Variants in PRMT8 observed in about 807,000 individuals in gnomAD.
PRMT8 encodes the protein protein arginine N-methyltransferase 8.
PRMT8 carries 7 observed loss-of-function variants against 47.1 expected under a neutral mutation model. The ratio of observed to expected loss-of-function variants is 0.15; its 90% CI spans 0.08 to 0.28. PRMT8 has a LOEUF of 0.28. Among genes scored for constraint, PRMT8 ranks in the 10% least tolerant of loss-of-function variants. The pLI is 1.00. For synonymous variants in PRMT8, 188 were observed against 186.5 expected (o/e 1.01, Z -0.07); for missense variants, 237 against 505.4 (o/e 0.47, Z 5.09).
intron 1 of PRMT8, among the ~76,000 whole-genome samples, 192 bp downstream of exon 1, chr12:3,491,892 GT>G (rs1865415666): frequency 7.3e-6 from 1 of 137,678 alleles, no homozygotes; most frequent in South Asian, 2.5e-4. Context: ...GTGTGTGTTG[GT>G]GGGGGGTGGG....
chr12:3,389,274 G>T (rs1864169793), intron 1 of PRMT8, among the ~76,000 whole-genome samples: 1 of 152,120 alleles, frequency 6.6e-6, no homozygotes, highest in Admixed American at 6.5e-5. Context: ...ACTGGTAAGT[G>T]GACTGTCCAG....
intron 2 of PRMT8, among the ~76,000 whole-genome samples, chr12:3,546,144 C>G (rs1866324744): frequency 6.6e-6 from 1 of 152,156 alleles, no homozygotes; most frequent in African/African-American, 2.4e-5. Context: ...CTATCCCAAA[C>G]TAAATGATAG....
chr12:3,443,994 G>A (rs940157518), intron 1 of PRMT8, among the ~76,000 whole-genome samples: 1 of 152,170 alleles, frequency 6.6e-6, no homozygotes, highest in Admixed American at 6.5e-5. Context: ...CTCGATGTAA[G>A]GCTCTCCCTG....
intron 1 of PRMT8, among the ~76,000 whole-genome samples, chr12:3,455,514 C>A (rs1864964906): frequency 6.6e-6 from 1 of 152,116 alleles, no homozygotes; most frequent in African/African-American, 2.4e-5. Flanking sequence ...CCCTTGCCAC[C>A]CTGAACAAAG....
chr12:3,429,914 C>G (rs927270312), intron 1 of PRMT8, among the ~76,000 whole-genome samples: 2 of 152,230 alleles, frequency 1.3e-5, no homozygotes, highest in Non-Finnish European at 2.9e-5. Flanking sequence ...CCTAAGCTGC[C>G]TAAGGGGCTG....
chr12:3,482,739 G>A (rs1268840413), intron 1 of PRMT8, among the ~76,000 whole-genome samples: 1 of 152,168 alleles, frequency 6.6e-6, no homozygotes, highest in Non-Finnish European at 1.5e-5. Context: ...AGTTTTGCTG[G>A]GTTGAGCCTG....
chr12:3,575,563 C>G lies in PRMT8; in HGVS notation c.713-1308C>G, dbSNP rs139877328. On this transcript the variant is annotated intron_variant, in intron 6 of 9. Transcript: ENST00000382622. The stretch of plus-strand genomic sequence containing the variant: ...ACATGCTGGGCTTGAGCCCTCGCCC[C>G]CCTGTTTCCCTGATGTGTGATCATG... 8.8e-3 allele frequency among the ~76,000 whole-genome samples: 1,337 copies of G among 152,312 alleles called. 16 individuals carry two copies. Among genetic ancestry groups the G allele is most frequent in the Non-Finnish European group, 0.011 (766 of 68,026 alleles).
chr12:3,426,146 C>G (rs1220823622), intron 1 of PRMT8, among the ~76,000 whole-genome samples: 1 of 152,226 alleles, frequency 6.6e-6, no homozygotes, highest in Admixed American at 6.5e-5. Flanking sequence ...GCCTGGGTGA[C>G]TGGAGGACCA....
chr12:3,441,614 A>G (rs937085183), intron 1 of PRMT8, among the ~76,000 whole-genome samples: 8 of 152,228 alleles, frequency 5.3e-5, no homozygotes, highest in Non-Finnish European at 1.0e-4. Flanking sequence ...GGAATTCATG[A>G]GGGAATTAAT....
At position 3,509,198 on chromosome 12, in the gene PRMT8, C is replaced by T. The variant is rs374987151; in HGVS notation, c.75+17498C>T. Among the ~76,000 whole-genome samples, 6 of 152,272 alleles carry T rather than the reference C, an allele frequency of 3.9e-5. No individual in the cohort carries two copies. In the South Asian group the frequency reaches 1.0e-3, roughly 26 times the overall value. ...TTAGGATCATGACCCACTCCTCACC[C>T]GGGCTCAGGAGCCCCTGTGTAATCA... On this transcript the variant is annotated intron_variant, in intron 1 of 9. Coordinates refer to ENST00000382622, the MANE Select transcript of PRMT8 (RefSeq NM_019854.5).
chr12:3,437,644 ATATATAT>A, intron 1 of PRMT8, among the ~76,000 whole-genome samples: 1 of 137,022 alleles, frequency 7.3e-6, no homozygotes, highest in Admixed American at 7.3e-5. Context: ...ATATATATAT[ATATATAT>A]TGCATTCAGC....
intron 1 of PRMT8, among the ~76,000 whole-genome samples, chr12:3,384,117 G>A (rs1019017384): frequency 6.6e-6 from 1 of 152,122 alleles, no homozygotes; most frequent in African/African-American, 2.4e-5. Flanking sequence ...TTGAATAAGA[G>A]TGGTAAGAGA....
rs572316421 is a variant in PRMT8 at position 3,398,782 on chromosome 12, A to G, written c.48+17340A>G. Reference sequence around the variant, plus strand: ...CCATTACTGTTTAGCCTGGAAGCCCAGGGTCAGTCATGATGACGTTAGGAG... The same window carrying G: ...CCATTACTGTTTAGCCTGGAAGCCCGGGGTCAGTCATGATGACGTTAGGAG... On this transcript the variant is annotated intron_variant, in intron 1 of 9. Transcript: ENST00000452611. Among the ~76,000 whole-genome samples the G allele has an allele frequency of 2.0e-5, 3 of 152,202 alleles. No individual in the cohort carries two copies. In the South Asian group the frequency reaches 6.2e-4, roughly 32 times the overall value.
chr12:3,582,309 T>TA (rs1312885171), intron 7 of PRMT8, among the ~76,000 whole-genome samples: 2 of 152,244 alleles, frequency 1.3e-5, no homozygotes, highest in Admixed American at 6.5e-5. Context: ...TTGAAATTCT[T>TA]AAGAGTTATT....
intron 1 of PRMT8, among the ~76,000 whole-genome samples, chr12:3,494,806 G>T (rs1211293968): frequency 6.6e-6 from 1 of 152,116 alleles, no homozygotes; most frequent in Non-Finnish European, 1.5e-5. Context: ...GGTGGCCCTG[G>T]GGGCACTCTT....
intron 1 of PRMT8, among the ~76,000 whole-genome samples, chr12:3,521,426 T>C (rs995082574): frequency 6.6e-6 from 1 of 151,820 alleles, no homozygotes; most frequent in African/African-American, 2.4e-5. Context: ...ATACAAAAAT[T>C]AGCTGGGCAT....
At chr12:3,499,172 T>A (rs1378150965) in intron 1 of PRMT8, among the ~76,000 whole-genome samples, 2 of 146,882 alleles carry the variant, frequency 1.4e-5, no homozygotes, top group Non-Finnish European at 3.0e-5. Flanking sequence ...TTTATTTATT[T>A]ATTTATTTTT....
intron 1 of PRMT8, among the ~76,000 whole-genome samples, chr12:3,505,520 A>ATTTTCCC (rs1865609474): frequency 6.6e-6 from 1 of 152,182 alleles, no homozygotes; most frequent in Non-Finnish European, 1.5e-5. Context: ...AAGAGCTACC[A>ATTTTCCC]TTTTAGCATA....
At chr12:3,517,150 G>A (rs1391844738) in intron 1 of PRMT8, among the ~76,000 whole-genome samples, 2 of 152,144 alleles carry the variant, frequency 1.3e-5, no homozygotes, top group Non-Finnish European at 2.9e-5. Flanking sequence ...GTGCACCAGG[G>A]GATCAGTTGC....
Sources: gnomAD v4.1 joint callset for allele counts (sites outside exome capture counted in the v4.1 genomes callset) on GRCh38, gnomAD v4.1.1 for gene constraint, MANE v1.5 for transcripts, NCBI Gene and HGNC (gene_info 2026-07-23, HGNC 2026-07-21) for gene names.